The following RARA variants were observed in gnomAD, a reference collection of about 807,000 sequenced individuals.
The protein encoded by RARA is retinoic acid receptor alpha, also known as PML-DDX5-RARA fusion.
RARA carries 5 observed loss-of-function variants against 42.8 expected under a neutral mutation model. That is an observed-to-expected ratio of 0.12 (90% confidence interval 0.06 to 0.25). RARA has a LOEUF of 0.25. Among genes scored for constraint, RARA ranks in the 10% least tolerant of loss-of-function variants. RARA has a pLI of 1.00. For missense variants in RARA, 402 were observed against 628.7 expected (o/e 0.64, Z 3.86); for synonymous variants, 256 against 259.5 (o/e 0.99, Z 0.13).
chr17:40,341,600 G>A (rs1206039238), intron 2 of RARA: 2 of 1,360,178 alleles, frequency 1.5e-6, no homozygotes, highest in Non-Finnish European at 1.9e-6. Context: ...GCGAGCGGGT[G>A]ATGTCACGGG....
At chr17:40,313,773 C>T (rs2033140284) in intron 1 of RARA, among the ~76,000 whole-genome samples, 1 of 152,084 alleles carries the variant, frequency 6.6e-6, no homozygotes, top group South Asian at 2.1e-4. Flanking sequence ...GTTCAGAAGC[C>T]CCTCCCCTTC....
At position 40,355,291 on chromosome 17, in the gene RARA, G is replaced by T. The variant is rs751435156; in HGVS notation, c.1041G>T (p.Arg347=). 8 of 1,594,736 alleles carry T rather than the reference G, an allele frequency of 5.0e-6. No homozygotes were observed. Among genetic ancestry groups the T allele is most frequent in the African/African-American group, 2.7e-5 (2 of 74,488 alleles). Residue 347 remains arginine (R), a synonymous_variant, in exon 8 of 9, where the codon CGG becomes CGT. Transcript: ENST00000254066. The surrounding 1 kb of genome is among the most constrained non-coding windows in gnomAD (Gnocchi z 4.1). ...GDRQDLEQPD[R]VDMLQEPLLE... ...GCCAGGACCTGGAGCAGCCGGACCG[G>T]GTGGACATGCTGCAGGAGCCGCTGC...
chr17:40,335,605 G>A lies in RARA; in HGVS notation c.178+4209G>A, dbSNP rs557419399. On this transcript the variant is annotated intron_variant, in intron 2 of 8. Transcript: ENST00000254066. ...CTCGGGAGGCTGAGGCTAGAGAATC[G>A]CTTGAACCCAGGAGGCAGAGGTTGC... 3.4e-4 allele frequency among the ~76,000 whole-genome samples: 51 copies of A among 152,148 alleles called. No homozygotes were observed. In the South Asian group the frequency reaches 6.6e-3, roughly 20 times the overall value.
At chr17:40,344,627 C>G (rs969626174) in intron 2 of RARA, among the ~76,000 whole-genome samples, 1 of 152,200 alleles carries the variant, frequency 6.6e-6, no homozygotes, top group African/African-American at 2.4e-5. Context: ...TCCCCTAAAC[C>G]ACTGGACATG....
chr17:40,332,826 T>G (rs903297548), intron 2 of RARA, among the ~76,000 whole-genome samples: 1 of 152,192 alleles, frequency 6.6e-6, no homozygotes, highest in Non-Finnish European at 1.5e-5. Flanking sequence ...TATAGGAGTA[T>G]GGGATGGATG....
intron 2 of RARA, chr17:40,341,602 T>C: frequency 5.1e-6 from 7 of 1,359,232 alleles, no homozygotes; most frequent in Non-Finnish European, 6.6e-6. Flanking sequence ...GAGCGGGTGA[T>C]GTCACGGGCA....
rs2034538656 is a variant in RARA at position 40,354,177 on chromosome 17, TCAGA to T, written c.808-121_808-118del. On this transcript the variant is annotated intron_variant, in intron 6 of 8. Coordinates refer to ENST00000254066, the MANE Select transcript of RARA (RefSeq NM_000964.4). The surrounding 1 kb of genome is among the most constrained non-coding windows in gnomAD (Gnocchi z 4.5). ...CTTTCCATCATTGTAGAAAATTCTA[TCAGA>T]CAGCATTGCTCCGGCCACCTGCCAG... 1.2e-6 allele frequency: 1 copy of T among 841,652 alleles called. No individual in the cohort carries two copies. The highest frequency in any genetic ancestry group is 2.7e-5 in the East Asian group (1 of 37,382). 52.1% of individuals were successfully genotyped at this position (841,652 alleles called of 1,614,324 possible).
intron 2 of RARA, among the ~76,000 whole-genome samples, chr17:40,338,328 C>T (rs183802018): frequency 7.2e-4 from 109 of 152,268 alleles, no homozygotes; most frequent in Non-Finnish European, 5.7e-4. Context: ...TGGGGCACAG[C>T]GAGGGATTGG....
intron 4 of RARA, among the ~76,000 whole-genome samples, chr17:40,350,692 G>A (rs1192370668): frequency 6.6e-6 from 1 of 151,994 alleles, no homozygotes; most frequent in Non-Finnish European, 1.5e-5. Flanking sequence ...CCCTTTGTGG[G>A]GAGGGCAGTG....
intron 1 of RARA, among the ~76,000 whole-genome samples, chr17:40,315,835 C>G (rs1337412071): frequency 3.3e-5 from 5 of 152,298 alleles, no homozygotes. Context: ...CAGACTCCTC[C>G]CCCAGCCTAT....
chr17:40,344,747 G>A (rs2034198486), intron 2 of RARA, among the ~76,000 whole-genome samples: 1 of 152,224 alleles, frequency 6.6e-6, no homozygotes, highest in Admixed American at 6.5e-5. Flanking sequence ...ATAAGTGAGT[G>A]AGGTGTCAGT....
intron 2 of RARA, among the ~76,000 whole-genome samples, chr17:40,340,640 C>G (rs1245440127): frequency 6.6e-6 from 1 of 152,102 alleles, no homozygotes; most frequent in Non-Finnish European, 1.5e-5. Flanking sequence ...TGAGTTCTTC[C>G]CTAATTTAGT....
chr17:40,328,092 C>T (rs1388199728), intron 1 of RARA, among the ~76,000 whole-genome samples: 1 of 152,150 alleles, frequency 6.6e-6, no homozygotes, highest in East Asian at 1.9e-4. Context: ...CCTCCCCTCC[C>T]TAGCCCAGTA....
chr17:40,357,148 G>C lies in RARA; in HGVS notation c.*922G>C, dbSNP rs1188051301. ...GAGGCATGGAGCAGGGCAGAGCAAG[G>C]GCCCCGGGACAGAGTTTTCCCAGAC... On this transcript the variant is annotated 3_prime_UTR_variant, in exon 9 of 9. Transcript: ENST00000254066. 1 of 242,682 alleles carries C rather than the reference G, an allele frequency of 4.1e-6. No homozygotes were observed. The highest frequency in any genetic ancestry group is 2.2e-5 in the African/African-American group (1 of 45,330). 15.0% of individuals were successfully genotyped at this position (242,682 alleles called of 1,614,324 possible). A position where few individuals can be genotyped will look rare whatever the true frequency, so the allele number is the denominator to read the frequency against.
rs2143550590 is a variant in RARA, at chr17:40,356,209, G to A, written c.1372G>A (p.Ala458Thr). 1 of 1,549,966 alleles carries A rather than the reference G, an allele frequency of 6.5e-7. No homozygotes were observed. Among genetic ancestry groups the A allele is most frequent in the South Asian group, 1.2e-5 (1 of 84,070 alleles). The part of the protein sequence containing the change: ...LSPSSNRSSP[A>T]THSP ...CCCCAGCTCCAACAGAAGCAGCCCG[G>A]CCACCCACTCCCCGTGACCGCCCAC... Residue 458 changes from alanine (A) to threonine (T), a missense_variant, in exon 9 of 9, where the codon GCC becomes ACC. Physicochemically the swap from Ala to Thr is moderately conservative, Grantham distance 58 (BLOSUM62 0). Around this residue, in one of 5 missense-constraint regions of RARA, gnomAD observed 73 missense variants for 59.8 expected, o/e 1.22. Coordinates refer to ENST00000254066, the MANE Select transcript of RARA (RefSeq NM_000964.4).
intron 1 of RARA, among the ~76,000 whole-genome samples, chr17:40,329,728 A>C (rs1418412511): frequency 6.6e-6 from 1 of 152,238 alleles, no homozygotes; most frequent in Non-Finnish European, 1.5e-5. Flanking sequence ...TGGTGGGATT[A>C]CAGGCGTGAG....
At chr17:40,344,320 G>C (rs552625843) in intron 2 of RARA, among the ~76,000 whole-genome samples, 3 of 152,108 alleles carry the variant, frequency 2.0e-5, no homozygotes, top group Non-Finnish European at 2.9e-5. Flanking sequence ...TATCACCCTT[G>C]ACTTTGGAAG....
intron 2 of RARA, among the ~76,000 whole-genome samples, chr17:40,340,681 T>C (rs2034006905): frequency 6.6e-6 from 1 of 152,246 alleles, no homozygotes; most frequent in African/African-American, 2.4e-5. Flanking sequence ...ATGTTAATTC[T>C]TCAGAGCATA....
intron 1 of RARA, among the ~76,000 whole-genome samples, chr17:40,329,310 G>GTT (rs113191545): frequency 2.1e-5 from 3 of 142,042 alleles, no homozygotes; most frequent in Non-Finnish European, 1.5e-5. Context: ...TTGTGTGTGT[G>GTT]TTTTTTTTTT....
Sources: gnomAD v4.1 joint callset for allele counts (sites outside exome capture counted in the v4.1 genomes callset) on GRCh38, gnomAD v4.1.1 for gene constraint, gnomAD v4.1.1 regional missense constraint, Gnocchi (gnomAD v3.1) non-coding constraint, MANE v1.5 for transcripts, NCBI Gene and HGNC (gene_info 2026-07-23, HGNC 2026-07-21) for gene names.